Variants in FGF14 observed in about 807,000 individuals in gnomAD.
The protein encoded by FGF14 is fibroblast growth factor 14, also known as fibroblast growth factor homologous factor 4.
FGF14 carries 5 observed loss-of-function variants against 25.5 expected under a neutral mutation model. The ratio of observed to expected loss-of-function variants is 0.20; its 90% CI spans 0.10 to 0.41. FGF14 has a LOEUF of 0.41. Among genes scored for constraint, FGF14 ranks in the 10% least tolerant of loss-of-function variants. The pLI, the probability that FGF14 is intolerant of heterozygous loss-of-function variation, is 1.00. For missense variants in FGF14, 222 were observed against 320.1 expected (o/e 0.69, Z 2.34); for synonymous variants, 138 against 118.3 (o/e 1.17, Z -1.08).
intron 3 of FGF14, among the ~76,000 whole-genome samples, chr13:101,762,498 C>T (rs1419987997): frequency 1.3e-5 from 2 of 152,090 alleles, no homozygotes; most frequent in African/African-American, 4.8e-5. Context: ...TTGAGCTATC[C>T]ATTGAAAGAC....
At chr13:102,386,461 C>T (rs1471582861) in intron 1 of FGF14, among the ~76,000 whole-genome samples, 1 of 152,066 alleles carries the variant, frequency 6.6e-6, no homozygotes, top group Non-Finnish European at 1.5e-5. Flanking sequence ...GTATTTCTAC[C>T]AATTATAAAT....
chr13:101,912,363 A>G (rs1420652807), intron 1 of FGF14, among the ~76,000 whole-genome samples: 1 of 152,166 alleles, frequency 6.6e-6, no homozygotes, highest in African/African-American at 2.4e-5. Flanking sequence ...AAATCTCAAG[A>G]AACAACTGCA....
At chr13:102,046,875 T>A (rs920571077) in intron 1 of FGF14, among the ~76,000 whole-genome samples, 1 of 152,198 alleles carries the variant, frequency 6.6e-6, no homozygotes, top group Non-Finnish European at 1.5e-5. Flanking sequence ...ATTCCAATAA[T>A]GAATGTCTCT....
chr13:101,917,499 G>A (rs2033652993), upstream of FGF14, among the ~76,000 whole-genome samples: 1 of 152,124 alleles, frequency 6.6e-6, no homozygotes, highest in Admixed American at 6.5e-5. Context: ...TGGTTCCCGA[G>A]CCTTCCGCGG....
At chr13:101,742,735 A>G (rs1594096420) in intron 3 of FGF14, among the ~76,000 whole-genome samples, 2 of 152,248 alleles carry the variant, frequency 1.3e-5, no homozygotes, top group South Asian at 4.2e-4. Context: ...TGGGAAATGC[A>G]TTGGGCAAAG....
chr13:102,374,647 TATATATA>T (rs1566971020), intron 1 of FGF14, among the ~76,000 whole-genome samples: 5 of 1,454 alleles, frequency 3.4e-3, no homozygotes, highest in African/African-American at 0.01. Context: ...ACATATTTTA[TATATATA>T]TATATATATA....
At chr13:101,886,360 C>T (rs9518592) in intron 1 of FGF14, among the ~76,000 whole-genome samples, 55,298 of 151,870 alleles carry the variant, frequency 0.36, 10,860 homozygotes, top group African/African-American at 0.49. Flanking sequence ...ACCAATGGAA[C>T]AGAATAGAGA....
At chr13:102,356,335 G>A (rs924795182) in intron 1 of FGF14, among the ~76,000 whole-genome samples, 3 of 152,150 alleles carry the variant, frequency 2.0e-5, no homozygotes, top group African/African-American at 4.8e-5. Context: ...AGAGTTCTTC[G>A]CAAGAGAAGG....
chr13:102,355,651 G>A (rs1055956199), intron 1 of FGF14, among the ~76,000 whole-genome samples: 7 of 150,884 alleles, frequency 4.6e-5, no homozygotes, highest in Admixed American at 4.6e-4. Flanking sequence ...TTCTGTAGAA[G>A]GAACAGAATT....
chr13:101,974,617 A>G (rs758570822), intron 1 of FGF14, among the ~76,000 whole-genome samples: 9 of 152,240 alleles, frequency 5.9e-5, no homozygotes, highest in Non-Finnish European at 8.8e-5. Context: ...GTCCCCATCA[A>G]ATACTATAGG....
rs144158413 is a variant in FGF14, at chr13:102,092,738, G to A, written c.209-217442C>T. On this transcript the variant is annotated intron_variant, in intron 1 of 4. Transcript: ENST00000376131. ...TCATATTATAATACATAAATGCCTA[G>A]GCACAACTACATTAGATACACAGGG... Among the ~76,000 whole-genome samples the A allele has an allele frequency of 5.3e-3, 811 of 152,148 alleles. 4 individuals carry two copies. The highest frequency in any genetic ancestry group is 0.017 in the Middle Eastern group (5 of 294).
intron 1 of FGF14, among the ~76,000 whole-genome samples, chr13:102,391,962 G>GC (rs2058442962): frequency 6.6e-6 from 1 of 152,174 alleles, no homozygotes; most frequent in African/African-American, 2.4e-5. Context: ...ACAATTATGA[G>GC]ATATGATTTC....
In FGF14 at chr13:101,958,192, G is replaced by C. The variant is rs371470268; in HGVS notation, c.209-82896C>G. On this transcript the variant is annotated intron_variant, in intron 1 of 4. Transcript: ENST00000376131. ...AGAGAGCTTCTCTAAAGCATGTTCT[G>C]TGTCTGTGAGGTTGGCAATTTATAA... is the stretch of plus-strand genomic sequence containing the variant. Among the ~76,000 whole-genome samples, 55 of 152,240 alleles carry C rather than the reference G, an allele frequency of 3.6e-4. 1 individual carries two copies. Among genetic ancestry groups the C allele is most frequent in the African/African-American group, 1.2e-3 (51 of 41,536 alleles).
rs575275408 is a variant in FGF14 at position 101,965,154 on chromosome 13, C to T, written c.209-89858G>A. 2.6e-5 allele frequency among the ~76,000 whole-genome samples: 4 copies of T among 151,642 alleles called. No individual in the cohort carries two copies. The South Asian group carries it at 8.3e-4, about 32-fold the overall frequency. ...ATCCCAGCTACTCGAGGGGCTGAGG[C>T]ATGAGAATTGCTTGAATCCAGCAGG... On this transcript the variant is annotated intron_variant, in intron 1 of 4. Transcript: ENST00000376131.
chr13:102,288,930 T>C (rs910417174), intron 1 of FGF14, among the ~76,000 whole-genome samples: 8 of 152,110 alleles, frequency 5.3e-5, no homozygotes, highest in African/African-American at 1.9e-4. Context: ...CATTTTTCTC[T>C]ATATTCTGTG....
intron 1 of FGF14, among the ~76,000 whole-genome samples, chr13:102,060,413 C>G (rs544340029): frequency 1.9e-4 from 29 of 152,266 alleles, no homozygotes; most frequent in African/African-American, 6.0e-4. Context: ...GTAGTCCCAG[C>G]CACGCGGGAG....
chr13:102,184,537 A>G (rs2048802930), intron 1 of FGF14, among the ~76,000 whole-genome samples: 1 of 152,158 alleles, frequency 6.6e-6, no homozygotes, highest in Non-Finnish European at 1.5e-5. Context: ...GATGAATGAT[A>G]GTGGAGAGTT....
intron 1 of FGF14, among the ~76,000 whole-genome samples, chr13:102,269,540 G>T (rs1230412112): frequency 6.6e-6 from 1 of 152,086 alleles, no homozygotes; most frequent in African/African-American, 2.4e-5. Flanking sequence ...ATTTTATTTT[G>T]TATTTTATTT....
intron 1 of FGF14, among the ~76,000 whole-genome samples, chr13:101,908,353 T>C (rs570600356): frequency 6.6e-6 from 1 of 152,180 alleles, no homozygotes; most frequent in East Asian, 1.9e-4. Flanking sequence ...TTGTTTCCGA[T>C]TCCTCATCTG....
Sources: allele counts gnomAD v4.1 joint callset (sites outside exome capture counted in the v4.1 genomes callset), GRCh38; gene constraint gnomAD v4.1.1; transcripts MANE v1.5; gene names NCBI Gene and HGNC (gene_info 2026-07-23, HGNC 2026-07-21).